Variants in FBXO15 observed in about 807,000 individuals in gnomAD.
FBXO15 encodes F-box only protein 15.
FBXO15 carries 30 observed loss-of-function variants against 49.5 expected under a neutral mutation model. The ratio of observed to expected loss-of-function variants is 0.61; its 90% CI spans 0.45 to 0.82. FBXO15 has a LOEUF of 0.82. Ranked by LOEUF, FBXO15 falls within the 40% of genes least tolerant of loss-of-function variation. FBXO15 has a pLI of 0.00. For missense variants in FBXO15, 591 were observed against 631.5 expected (o/e 0.94, Z 0.69); for synonymous variants, 250 against 232.7 (o/e 1.07, Z -0.68).
intron 9 of FBXO15, among the ~76,000 whole-genome samples, chr18:74,079,925 TC>T (rs1255740926): frequency 6.6e-6 from 1 of 152,194 alleles, no homozygotes; most frequent in Non-Finnish European, 1.5e-5. Context: ...TTTTCTCACT[TC>T]TTTGTCCTTC....
intron 8 of FBXO15, among the ~76,000 whole-genome samples, chr18:74,096,154 T>C (rs901174758): frequency 5.9e-5 from 9 of 152,110 alleles, no homozygotes; most frequent in African/African-American, 2.2e-4. Flanking sequence ...CTTTAAGCCA[T>C]GGGAAGTACT....
chr18:74,130,396 T>C lies in FBXO15; in HGVS notation c.575+20A>G. ...ACTTTGAGCTGATGCCATCATTCTC[T>C]TTTGGAACACACTGCGTACCTGAGG... On this transcript the variant is annotated intron_variant, in intron 4 of 9. Transcript: ENST00000419743. 2 of 1,613,306 alleles carry C rather than the reference T, an allele frequency of 1.2e-6. No homozygotes were observed. Among genetic ancestry groups the C allele is most frequent in the Non-Finnish European group, 1.7e-6 (2 of 1,179,552 alleles).
chr18:74,140,229 A>G lies in FBXO15; in HGVS notation c.200T>C (p.Phe67Ser), dbSNP rs1263435106. 1 of 1,551,438 alleles carries G rather than the reference A, an allele frequency of 6.4e-7. No homozygotes were observed. Among genetic ancestry groups the G allele is most frequent in the South Asian group, 1.2e-5 (1 of 84,000 alleles). The change falls in exon 2 of 10, where the codon TTC becomes TCC. Residue 67 changes from phenylalanine (F) to serine (S), a missense_variant. By Grantham distance (155) the Phe-to-Ser change is radical (BLOSUM62 -2). Coordinates refer to ENST00000419743, the MANE Select transcript of FBXO15 (RefSeq NM_001142958.2). ...ATCCAGGAACCCAGAACAGCAGGAG[A>G]AAGAGCTCTCCCAGTGCTGTCCACC... ...AGGGQHWESS[F>S]SCCSGFLDGM...
intron 7 of FBXO15, 81 bp from the exon 8 acceptor site, chr18:74,123,591 A>G: frequency 1.4e-6 from 2 of 1,458,176 alleles, no homozygotes; most frequent in Non-Finnish European, 1.8e-6. Context: ...TTTTTAAAAA[A>G]TTACCATCTG....
intron 2 of FBXO15, among the ~76,000 whole-genome samples, chr18:74,139,577 T>C (rs1978937570): frequency 6.6e-6 from 1 of 152,226 alleles, no homozygotes; most frequent in African/African-American, 2.4e-5. Flanking sequence ...AGGCAACTTA[T>C]ATCTGAATCA....
chr18:74,100,775 A>T (rs1197168641), intron 8 of FBXO15, among the ~76,000 whole-genome samples: 3 of 152,200 alleles, frequency 2.0e-5, no homozygotes, highest in African/African-American at 7.2e-5. Flanking sequence ...GGCTACTATG[A>T]ACACCTTTAT....
At chr18:74,140,060 GC>G (rs1377701753) in intron 2 of FBXO15, 141 bp downstream of exon 2, 19 of 532,030 alleles carry the variant, frequency 3.6e-5, no homozygotes, top group Non-Finnish European at 5.3e-5. Context: ...CTCATCAAAT[GC>G]TCCATGCTGT....
intron 8 of FBXO15, among the ~76,000 whole-genome samples, chr18:74,119,418 T>C (rs17088783): frequency 0.087 from 13,319 of 152,238 alleles, 820 homozygotes; most frequent in Admixed American, 0.2. Flanking sequence ...ACCAAAATAC[T>C]GCCCCATGGA....
At chr18:74,078,156 AG>A (rs759770219) in intron 9 of FBXO15, among the ~76,000 whole-genome samples, 1 of 152,286 alleles carries the variant, frequency 6.6e-6, no homozygotes, top group Non-Finnish European at 1.5e-5. Flanking sequence ...CTCTGCTGCC[AG>A]ATCAAGAGCT....
At chr18:74,121,812 C>T (rs999097624) in intron 8 of FBXO15, among the ~76,000 whole-genome samples, 2 of 152,152 alleles carry the variant, frequency 1.3e-5, no homozygotes, top group African/African-American at 4.8e-5. Flanking sequence ...TTTCTTCCAC[C>T]ACAGGAGATG....
At chr18:74,136,488 CA>C (rs1978732104) in intron 2 of FBXO15, among the ~76,000 whole-genome samples, 2 of 152,084 alleles carry the variant, frequency 1.3e-5, no homozygotes, top group African/African-American at 4.8e-5. Context: ...TCTCTTTCCC[CA>C]AAAAAGTAAG....
At chr18:74,087,075 T>C (rs1912775002) in intron 8 of FBXO15, among the ~76,000 whole-genome samples, 1 of 152,222 alleles carries the variant, frequency 6.6e-6, no homozygotes, top group African/African-American at 2.4e-5. Flanking sequence ...GTCTAAAAAA[T>C]AATGTACATA....
intron 8 of FBXO15, among the ~76,000 whole-genome samples, chr18:74,096,354 C>T (rs1174133390): frequency 6.6e-6 from 1 of 152,044 alleles, no homozygotes; most frequent in Non-Finnish European, 1.5e-5. Flanking sequence ...AACCCCTAGC[C>T]AGCCTTCTCA....
At chr18:74,107,749 A>G (rs1402216629) in intron 8 of FBXO15, among the ~76,000 whole-genome samples, 1 of 152,188 alleles carries the variant, frequency 6.6e-6, no homozygotes, top group Non-Finnish European at 1.5e-5. Context: ...CACAGTGAGT[A>G]TCAGAAAAAT....
intron 8 of FBXO15, among the ~76,000 whole-genome samples, chr18:74,115,458 T>C (rs1281412679): frequency 6.6e-6 from 1 of 151,940 alleles, no homozygotes; most frequent in Admixed American, 6.6e-5. Flanking sequence ...GTTAAGAAAA[T>C]AGAACTAAGG....
chr18:74,145,693 G>A (rs866236659), intron 1 of FBXO15, among the ~76,000 whole-genome samples: 52 of 149,072 alleles, frequency 3.5e-4, no homozygotes, highest in South Asian at 8.5e-4. Flanking sequence ...CGCCTCCTGG[G>A]TTCACGCCAT....
chr18:74,125,527 C>A (rs1403307957), intron 6 of FBXO15, among the ~76,000 whole-genome samples: 1 of 152,202 alleles, frequency 6.6e-6, no homozygotes, highest in Non-Finnish European at 1.5e-5. Flanking sequence ...CCCTGAAGAG[C>A]AGATTTCACT....
intron 8 of FBXO15, chr18:74,099,129 A>G (rs1299946408): frequency 6.6e-6 from 1 of 152,180 alleles, no homozygotes. Flanking sequence ...ATCTCAAAGA[A>G]AAAAAACAAA....
intron 8 of FBXO15, among the ~76,000 whole-genome samples, chr18:74,083,700 A>T (rs893566276): frequency 6.6e-6 from 1 of 152,164 alleles, no homozygotes. Flanking sequence ...ACTTCAGAAC[A>T]ATTATAACAC....
Sources: allele counts gnomAD v4.1 joint callset (sites outside exome capture counted in the v4.1 genomes callset), GRCh38; gene constraint gnomAD v4.1.1; transcripts MANE v1.5; gene names NCBI Gene and HGNC (gene_info 2026-07-23, HGNC 2026-07-21).